Variants in SCHIP1 observed in about 807,000 individuals in gnomAD.
SCHIP1 encodes schwannomin interacting protein 1, also known as schwannomin-interacting protein 1.
A neutral mutation model predicts 29.7 loss-of-function variants in SCHIP1; 8 were observed. The observed-to-expected ratio is 0.27, with a 90% CI of 0.16 to 0.49. The LOEUF (loss-of-function observed/expected upper bound fraction) is 0.49, where lower values mean the gene tolerates loss of function less well. Ranked by LOEUF, SCHIP1 falls within the 20% of genes least tolerant of loss-of-function variation. The pLI is 0.99. For missense variants in SCHIP1, 193 were observed against 294.6 expected, an observed-to-expected ratio of 0.66 and a Z score of 2.52; for synonymous variants, 76 against 94.9, an observed-to-expected ratio of 0.80 and a Z score of 1.16.
the SCHIP1 span, among the ~76,000 whole-genome samples, chr3:159,468,246 A>G: frequency 3.3e-5 from 5 of 152,150 alleles, no homozygotes; most frequent in African/African-American, 1.2e-4. Flanking sequence ...AACTAGAAAA[A>G]TTATGGTTCA....
At chr3:159,289,948 C>T in the SCHIP1 span, among the ~76,000 whole-genome samples, 1 of 152,114 alleles carries the variant, frequency 6.6e-6, no homozygotes, top group African/African-American at 2.4e-5. Context: ...GAGCAGAATG[C>T]CAGAGGGCAG....
the SCHIP1 span, among the ~76,000 whole-genome samples, chr3:159,620,335 T>C: frequency 0.035 from 5,361 of 152,112 alleles, 222 homozygotes; most frequent in East Asian, 0.17. Flanking sequence ...AAATGGAAAA[T>C]GGGAAACAGG....
chr3:159,353,322 A>AT, the SCHIP1 span, among the ~76,000 whole-genome samples: 1 of 152,134 alleles, frequency 6.6e-6, no homozygotes, highest in African/African-American at 2.4e-5. Context: ...TAATAATAAA[A>AT]TTAAAAAAAA....
chr3:159,422,960 T>TATTC, the SCHIP1 span, among the ~76,000 whole-genome samples: 4 of 151,932 alleles, frequency 2.6e-5, no homozygotes, highest in South Asian at 8.3e-4. Context: ...ATTAGTTACA[T>TATTC]AAGAGTAGAA....
chr3:159,316,560 T>C, the SCHIP1 span, among the ~76,000 whole-genome samples: 1 of 152,200 alleles, frequency 6.6e-6, no homozygotes, highest in African/African-American at 2.4e-5. Flanking sequence ...TCCAATCAAG[T>C]TGACACTCAG....
At chr3:159,527,680 T>G in the SCHIP1 span, among the ~76,000 whole-genome samples, 29 of 152,356 alleles carry the variant, frequency 1.9e-4, no homozygotes, top group African/African-American at 6.7e-4. Context: ...TATGGCCAAT[T>G]GTTGCCCATC....
the SCHIP1 span, among the ~76,000 whole-genome samples, chr3:159,500,630 C>T: frequency 4.6e-5 from 7 of 151,478 alleles, no homozygotes; most frequent in South Asian, 2.1e-4. Flanking sequence ...AGGAGAATGG[C>T]GTGAACCTGG....
chr3:159,689,950 A>G, the SCHIP1 span, among the ~76,000 whole-genome samples: 2 of 152,204 alleles, frequency 1.3e-5, no homozygotes. Flanking sequence ...GATGAAGCCC[A>G]CTTGATCATG....
At chr3:159,376,117 G>A in the SCHIP1 span, among the ~76,000 whole-genome samples, 2 of 152,002 alleles carry the variant, frequency 1.3e-5, no homozygotes, top group Non-Finnish European at 2.9e-5. Flanking sequence ...GTGATGAAAA[G>A]CCAAAAAGCC....
chr3:159,324,980 G>C, the SCHIP1 span, among the ~76,000 whole-genome samples: 37 of 152,042 alleles, frequency 2.4e-4, no homozygotes, highest in African/African-American at 8.2e-4. Context: ...TTTGCATTTG[G>C]AAAATGTTTC....
chr3:159,339,384 G>T, the SCHIP1 span, among the ~76,000 whole-genome samples: 1 of 152,106 alleles, frequency 6.6e-6, no homozygotes, highest in African/African-American at 2.4e-5. Flanking sequence ...AAGCACTGCT[G>T]TTAGTCCCTG....
chr3:159,378,994 G>A, the SCHIP1 span, among the ~76,000 whole-genome samples: 1 of 152,184 alleles, frequency 6.6e-6, no homozygotes, highest in African/African-American at 2.4e-5. Context: ...GACAATGGAG[G>A]CTTGTGATAA....
chr3:159,773,529 T>A, the SCHIP1 span, among the ~76,000 whole-genome samples: 1 of 152,024 alleles, frequency 6.6e-6, no homozygotes, highest in Non-Finnish European at 1.5e-5. Context: ...AATTGTTTTT[T>A]TTTTCTTTTA....
chr3:159,512,176 G>A, the SCHIP1 span, among the ~76,000 whole-genome samples: 1 of 151,984 alleles, frequency 6.6e-6, no homozygotes, highest in Non-Finnish European at 1.5e-5. Context: ...AAGTGAGAGG[G>A]AGAACTAGAG....
At chr3:159,566,926 T>G in the SCHIP1 span, among the ~76,000 whole-genome samples, 1 of 152,236 alleles carries the variant, frequency 6.6e-6, no homozygotes, top group African/African-American at 2.4e-5. Flanking sequence ...CTCTTAAGTG[T>G]ACATTTTCAC....
At chr3:159,426,603 G>T in the SCHIP1 span, among the ~76,000 whole-genome samples, 1 of 152,146 alleles carries the variant, frequency 6.6e-6, no homozygotes, top group East Asian at 1.9e-4. Context: ...TCTACCAGAG[G>T]TACAAGGAGG....
the SCHIP1 span, among the ~76,000 whole-genome samples, chr3:159,642,519 A>C: frequency 1.3e-5 from 2 of 152,090 alleles, no homozygotes; most frequent in Non-Finnish European, 2.9e-5. Flanking sequence ...AGATTACTCA[A>C]ATGATATTGT....
chr3:159,413,480 T>G, the SCHIP1 span, among the ~76,000 whole-genome samples: 1 of 152,220 alleles, frequency 6.6e-6, no homozygotes, highest in East Asian at 1.9e-4. Flanking sequence ...GATTTCTACC[T>G]TCATTCAACA....
chr3:159,832,608 C>G, the SCHIP1 span, among the ~76,000 whole-genome samples: 2 of 152,224 alleles, frequency 1.3e-5, no homozygotes, highest in African/African-American at 2.4e-5. Flanking sequence ...TAACTCGTGA[C>G]TTCCTAATAG....
Sources: allele counts gnomAD v4.1 joint callset (sites outside exome capture counted in the v4.1 genomes callset), GRCh38; gene constraint gnomAD v4.1.1; transcripts MANE v1.5; gene names NCBI Gene and HGNC (gene_info 2026-07-23, HGNC 2026-07-21).